Variants in PMFBP1 observed in about 807,000 individuals in gnomAD.
PMFBP1 encodes the protein polyamine modulated factor 1 binding protein 1, also known as polyamine-modulated factor 1-binding protein 1.
Under a neutral mutation model 137.8 loss-of-function variants are expected in PMFBP1, and 131 were observed. That is an observed-to-expected ratio of 0.95 (90% CI 0.82 to 1.10). PMFBP1 has a LOEUF of 1.10. Ranked by LOEUF, PMFBP1 falls within the 50% of genes least tolerant of loss-of-function variation. PMFBP1 has a pLI of 0.00. For missense variants in PMFBP1, 1,199 were observed against 1,175.4 expected (o/e 1.02, Z -0.29); for synonymous variants, 490 against 450.4 (o/e 1.09, Z -1.11).
At chr16:72,225,709 T>TATTATTATA in the PMFBP1 span, among the ~76,000 whole-genome samples, 107 of 109,594 alleles carry the variant, frequency 9.8e-4, no homozygotes, top group East Asian at 2.3e-3. Context: ...TGAGACTGTT[T>TATTATTATA]ATAATAATAA....
At chr16:72,237,986 T>C in the PMFBP1 span, among the ~76,000 whole-genome samples, 2 of 152,250 alleles carry the variant, frequency 1.3e-5, no homozygotes, top group Non-Finnish European at 1.5e-5. Flanking sequence ...CTCATTCTTT[T>C]TTATGGCTGC....
At chr16:72,155,158 A>G (rs1421917818) in intron 3 of PMFBP1, among the ~76,000 whole-genome samples, 1 of 152,140 alleles carries the variant, frequency 6.6e-6, no homozygotes, top group Non-Finnish European at 1.5e-5. Flanking sequence ...CTAAGCACCT[A>G]TGTTTTACCA....
At chr16:72,227,283 T>C in the PMFBP1 span, among the ~76,000 whole-genome samples, 1 of 152,210 alleles carries the variant, frequency 6.6e-6, no homozygotes, top group Non-Finnish European at 1.5e-5. Flanking sequence ...CTGAAAGATG[T>C]GTTAAAGAGC....
intron 3 of PMFBP1, among the ~76,000 whole-genome samples, chr16:72,155,678 A>G (rs1339074775): frequency 6.6e-6 from 1 of 152,232 alleles, no homozygotes; most frequent in Non-Finnish European, 1.5e-5. Context: ...AAATTTTTAA[A>G]TTAACTTTTT....
chr16:72,233,611 A>G, the PMFBP1 span, among the ~76,000 whole-genome samples: 8 of 152,196 alleles, frequency 5.3e-5, no homozygotes, highest in Non-Finnish European at 1.2e-4. Context: ...TTTAAAGTAT[A>G]CAATTCAATG....
At chr16:72,245,840 C>T in the PMFBP1 span, among the ~76,000 whole-genome samples, 1 of 152,324 alleles carries the variant, frequency 6.6e-6, no homozygotes, top group East Asian at 1.9e-4. Flanking sequence ...TTCACTTGAG[C>T]TGATATTACA....
intron 3 of PMFBP1, among the ~76,000 whole-genome samples, chr16:72,161,507 T>C (rs1265107951): frequency 1.3e-5 from 2 of 152,156 alleles, no homozygotes; most frequent in African/African-American, 4.8e-5. Flanking sequence ...TAGATGCATC[T>C]TTCTGACGTA....
chr16:72,126,276 T>C, intron 14 of PMFBP1, 144 bp from the exon 15 acceptor site: 1 of 845,148 alleles, frequency 1.2e-6, no homozygotes, highest in South Asian at 1.8e-5. Context: ...ACATCTTCAC[T>C]TCACCACTGT....
Position 72,130,570 on chromosome 16 carries a change from CCTT to C in PMFBP1, c.1597_1599del (p.Lys533del). On this transcript the variant is annotated inframe_deletion, in exon 11 of 21. Transcript: ENST00000237353. ...TGTTCCTTCTCAGCCATCGAGGACTCCTTCTGCAGCATCTGAAGTTCTCTCTGT... is the reference window on the plus strand; with the variant it reads ...TGTTCCTTCTCAGCCATCGAGGACTCCTGCAGCATCTGAAGTTCTCTCTGT... The C allele has an allele frequency of 1.9e-6, 3 of 1,614,096 alleles. No individual in the cohort carries two copies. Among genetic ancestry groups the C allele is most frequent in the Non-Finnish European group, 2.5e-6 (3 of 1,180,018 alleles).
At chr16:72,142,604 G>T (rs765636778) in intron 5 of PMFBP1, among the ~76,000 whole-genome samples, 2 of 152,148 alleles carry the variant, frequency 1.3e-5, no homozygotes, top group Non-Finnish European at 2.9e-5. Context: ...ATTCAAGGAT[G>T]ATGACAAAAT....
the PMFBP1 span, among the ~76,000 whole-genome samples, chr16:72,231,842 C>T: frequency 7.3e-6 from 1 of 137,098 alleles, no homozygotes; most frequent in Admixed American, 8.0e-5. Context: ...CTTTGAATAG[C>T]ACTGTTTTAA....
In PMFBP1 at chr16:72,136,836, C is replaced by T; in HGVS notation, c.919-17G>A. 1 of 1,613,946 alleles carries T rather than the reference C, an allele frequency of 6.2e-7. No individual in the cohort carries two copies. The highest frequency in any genetic ancestry group is 2.2e-5 in the East Asian group (1 of 44,888). ...CTTCAGTATCTGGCAGATGGAAGAA[C>T]AGGGCAGGATGAGGAGATGAGAGAC... On this transcript the variant is annotated splice_polypyrimidine_tract_variant and intron_variant, in intron 7 of 20. Coordinates refer to ENST00000237353, the MANE Select transcript of PMFBP1 (RefSeq NM_031293.3).
At chr16:72,203,121 T>C in the PMFBP1 span, among the ~76,000 whole-genome samples, 5 of 152,244 alleles carry the variant, frequency 3.3e-5, no homozygotes, top group East Asian at 1.9e-4. Flanking sequence ...AGTGGCTGCA[T>C]TGAAACAAAG....
intron 14 of PMFBP1, 138 bp from the exon 15 acceptor site, chr16:72,126,270 C>T: frequency 1.1e-6 from 1 of 888,696 alleles, no homozygotes; most frequent in Non-Finnish European, 1.7e-6. Context: ...ACACTCACAT[C>T]TTCACTTCAC....
intron 5 of PMFBP1, among the ~76,000 whole-genome samples, chr16:72,142,550 A>C (rs2042739434): frequency 6.6e-6 from 1 of 152,232 alleles, no homozygotes; most frequent in African/African-American, 2.4e-5. Context: ...TTGAAGACTT[A>C]AGGGAAGATG....
chr16:72,128,704 TGA>T lies in PMFBP1; in HGVS notation c.2039_2040del (p.Leu680GlnfsTer15), dbSNP rs2042500027. ...QCCSTQLESS[L>X]NKYNTSQQVI... ...ACTTGCTGGCTGGTGTTGTATTTGT[TGA>T]GAGAGGATTCCAGTTGTGTAGAACA... On this transcript the variant is annotated frameshift_variant, in exon 14 of 21. Transcript: ENST00000237353. LOFTEE classifies it high-confidence loss of function. The T allele has an allele frequency of 6.2e-7, 1 of 1,614,100 alleles. No homozygotes were observed.
upstream of PMFBP1, among the ~76,000 whole-genome samples, chr16:72,174,462 G>C (rs1165859353): frequency 6.6e-6 from 1 of 152,184 alleles, no homozygotes; most frequent in Non-Finnish European, 1.5e-5. Context: ...CTGGCACCAG[G>C]GGAAGCTTGT....
the PMFBP1 span, among the ~76,000 whole-genome samples, chr16:72,217,133 C>A: frequency 6.6e-6 from 1 of 151,984 alleles, no homozygotes; most frequent in Non-Finnish European, 1.5e-5. Context: ...CTAGGTGAAG[C>A]CACATGATTG....
upstream of PMFBP1, among the ~76,000 whole-genome samples, chr16:72,178,763 T>G (rs979827849): frequency 1.3e-5 from 2 of 152,216 alleles, no homozygotes; most frequent in African/African-American, 4.8e-5. Flanking sequence ...CATCTTATAC[T>G]TTTCCCTGCC....
Sources: gnomAD v4.1 joint callset for allele counts (sites outside exome capture counted in the v4.1 genomes callset) on GRCh38, gnomAD v4.1.1 for gene constraint, MANE v1.5 for transcripts, NCBI Gene and HGNC (gene_info 2026-07-23, HGNC 2026-07-21) for gene names.